CDH23: variants seen among roughly 807,000 people sequenced by gnomAD.
CDH23 encodes cadherin-23.
Under a neutral mutation model 317.1 loss-of-function variants are expected in CDH23, and 189 were observed. The observed-to-expected ratio is 0.60, with a 90% CI of 0.53 to 0.67. The LOEUF is 0.67. Ranked by LOEUF, CDH23 falls within the 30% of genes least tolerant of loss-of-function variation. CDH23 has a pLI of 0.00. For synonymous variants in CDH23, 1,839 were observed against 1,876.8 expected, an observed-to-expected ratio of 0.98 and a Z score of 0.52; for missense variants, 4,401 against 4,592.4, an observed-to-expected ratio of 0.96 and a Z score of 1.20.
intron 2 of CDH23, among the ~76,000 whole-genome samples, 167 bp from the exon 3 acceptor site, chr10:71,446,148 GTCC>G (rs1322024554): frequency 6.6e-6 from 1 of 152,204 alleles, no homozygotes; most frequent in African/African-American, 2.4e-5. Flanking sequence ...TACTGGCATT[GTCC>G]CCCACTTGCC....
At position 71,724,001 on chromosome 10, in the gene CDH23, C is replaced by T. The variant is rs1186837130; in HGVS notation, c.3370-44C>T. The stretch of plus-strand genomic sequence containing the variant: ...ACTCTAAAAACCTCTTCTCTCCCTG[C>T]TGGGTGGCATTCAAGAAGTAACTCG... On this transcript the variant is annotated intron_variant, in intron 28 of 69. Transcript: ENST00000224721. 2.6e-6 allele frequency: 4 copies of T among 1,548,372 alleles called. No homozygotes were observed. The African/African-American group carries it at 5.5e-5, about 21-fold the overall frequency.
At chr10:71,800,277 C>A (rs1432813261) in intron 52 of CDH23, among the ~76,000 whole-genome samples, 1 of 152,184 alleles carries the variant, frequency 6.6e-6, no homozygotes, top group Non-Finnish European at 1.5e-5. Context: ...CTGCTCTGTC[C>A]ACATCTTCTG....
At chr10:71,440,974 G>A (rs924610524) in intron 2 of CDH23, among the ~76,000 whole-genome samples, 1 of 152,080 alleles carries the variant, frequency 6.6e-6, no homozygotes, top group African/African-American at 2.4e-5. Context: ...AGTATCCCTC[G>A]AGGATTCCCT....
At chr10:71,646,037 G>A in intron 13 of CDH23, 57 bp downstream of exon 13, 1 of 1,581,476 alleles carries the variant, frequency 6.3e-7, no homozygotes, top group Non-Finnish European at 8.6e-7. Context: ...TTCAGGGGAG[G>A]CGAGGGTAGG....
chr10:71,667,373 T>G (rs1269965828), intron 14 of CDH23, among the ~76,000 whole-genome samples: 1 of 148,140 alleles, frequency 6.8e-6, no homozygotes, highest in South Asian at 2.2e-4. Context: ...TGTGTGTGTG[T>G]GTGTGTGTGT....
intron 15 of CDH23, among the ~76,000 whole-genome samples, chr10:71,676,778 G>A (rs1864389603): frequency 6.6e-6 from 1 of 152,180 alleles, no homozygotes; most frequent in Admixed American, 6.5e-5. Flanking sequence ...CCTTATCCTG[G>A]TCATCTTGGA....
chr10:71,480,649 C>T (rs569203042), intron 3 of CDH23, among the ~76,000 whole-genome samples: 3 of 152,140 alleles, frequency 2.0e-5, no homozygotes, highest in East Asian at 1.9e-4. Flanking sequence ...TCAGGGATGG[C>T]GTCCACGACC....
At chr10:71,441,402 C>T (rs1030390038) in intron 2 of CDH23, among the ~76,000 whole-genome samples, 3 of 152,154 alleles carry the variant, frequency 2.0e-5, no homozygotes, top group Non-Finnish European at 4.4e-5. Context: ...TTCTGTTCCA[C>T]TCACTTTCTT....
chr10:71,555,849 A>C, intron 6 of CDH23, among the ~76,000 whole-genome samples: 1 of 152,148 alleles, frequency 6.6e-6, no homozygotes. Flanking sequence ...ATGAGACTCC[A>C]CCTAGCTCTG....
chr10:71,401,071 C>T (rs575046547), intron 1 of CDH23, among the ~76,000 whole-genome samples: 16 of 152,234 alleles, frequency 1.1e-4, no homozygotes, highest in Admixed American at 9.1e-4. Context: ...CAAGTCGAAC[C>T]CTACTGGATA....
rs567802736 is a variant in CDH23, at chr10:71,513,162, CG to C, written c.429+1951del. ...GGAAGGCCCACATGGTTTAATTGCTCGTGTGTAAACATCCCTGGTTGCTTTA... is the reference window on the plus strand; with the variant it reads ...GGAAGGCCCACATGGTTTAATTGCTCTGTGTAAACATCCCTGGTTGCTTTA... On this transcript the variant is annotated intron_variant, in intron 6 of 69. Coordinates refer to ENST00000224721, the MANE Select transcript of CDH23 (RefSeq NM_022124.6). Among the ~76,000 whole-genome samples, 95 of 152,182 alleles carry C rather than the reference CG, an allele frequency of 6.2e-4. 1 individual carries two copies. The highest frequency in any genetic ancestry group is 1.1e-3 in the Non-Finnish European group (74 of 68,024).
rs1442963542 is a variant in CDH23 at position 71,403,390 on chromosome 10, T to C, written c.-6+6072T>C. Among the ~76,000 whole-genome samples, 28 of 121,040 alleles carry C rather than the reference T, an allele frequency of 2.3e-4. 1 individual carries two copies. The highest frequency in any genetic ancestry group is 6.6e-4 in the African/African-American group (17 of 25,880). 79.4% of individuals were successfully genotyped at this position (121,040 alleles called of 152,430 possible). On this transcript the variant is annotated intron_variant, in intron 1 of 69. Transcript: ENST00000224721. The stretch of plus-strand genomic sequence containing the variant: ...TTCTTTCTTTCTTTCTTTCTTTCTT[T>C]CTTTCTTTCTTTCTTTCTCTTCCTT...
chr10:71,471,285 G>C (rs1257716870), intron 3 of CDH23, among the ~76,000 whole-genome samples: 1 of 152,204 alleles, frequency 6.6e-6, no homozygotes, highest in Non-Finnish European at 1.5e-5. Flanking sequence ...CTCTCACTCT[G>C]CCGAGTTCAG....
intron 38 of CDH23, among the ~76,000 whole-genome samples, chr10:71,745,059 TTCATTCAC>T (rs1377671997): frequency 5.1e-4 from 78 of 152,388 alleles, no homozygotes; most frequent in East Asian, 9.6e-4. Flanking sequence ...TATTTATTCA[TTCATTCAC>T]TCATTCACTC....
In CDH23 at chr10:71,645,811, C is replaced by A. The variant is rs750369111; in HGVS notation, c.1141-20C>A. 1 of 1,605,490 alleles carries A rather than the reference C, an allele frequency of 6.2e-7. No homozygotes were observed. The highest frequency in any genetic ancestry group is 8.5e-7 in the Non-Finnish European group (1 of 1,173,568). The stretch of plus-strand genomic sequence containing the variant: ...CCACTGTGCCCTTCCTGACTGGCTT[C>A]TTCTGCACTCTTGACCCAGGGCCTG... On this transcript the variant is annotated intron_variant, in intron 12 of 69. Transcript: ENST00000224721.
intron 28 of CDH23, chr10:71,713,080 C>T (rs373537606): frequency 1.3e-6 from 1 of 752,702 alleles, no homozygotes; most frequent in South Asian, 1.4e-5. Context: ...TGCATATCTC[C>T]CGCCCCACCC....
At chr10:71,573,240 C>T (rs764751180) in intron 8 of CDH23, among the ~76,000 whole-genome samples, 40 of 152,342 alleles carry the variant, frequency 2.6e-4, no homozygotes, top group Admixed American at 1.5e-3. Context: ...AGCTTCCTTT[C>T]AGAGTCGTTG....
At chr10:71,792,770 C>T (rs12765970) in intron 47 of CDH23, among the ~76,000 whole-genome samples, 9 of 133,234 alleles carry the variant, frequency 6.8e-5, no homozygotes, top group South Asian at 2.5e-4. Context: ...TGCAGTAAGC[C>T]GAGATCACAC....
intron 34 of CDH23, among the ~76,000 whole-genome samples, chr10:71,736,664 C>T (rs1564766729): frequency 6.6e-6 from 1 of 152,192 alleles, no homozygotes. Context: ...GCCCCCCTCA[C>T]CCCTGCCTTG....
Sources: allele counts gnomAD v4.1 joint callset (sites outside exome capture counted in the v4.1 genomes callset), GRCh38; gene constraint gnomAD v4.1.1; transcripts MANE v1.5; gene names NCBI Gene and HGNC (gene_info 2026-07-23, HGNC 2026-07-21).